Variants in GPR141 observed in about 807,000 individuals in gnomAD.
GPR141 encodes the protein G protein-coupled receptor 141, also known as probable G protein-coupled receptor 141.
A neutral mutation model predicts 6.8 loss-of-function variants in GPR141; 6 were observed. The ratio of observed to expected loss-of-function variants is 0.88; its 90% CI spans 0.48 to 1.74. GPR141 has a LOEUF of 1.74. Among genes scored for constraint, GPR141 ranks in the 40% most tolerant of loss-of-function variants. The pLI is 0.01. For missense variants in GPR141, 372 were observed against 372.9 expected (o/e 1.00, Z 0.02); for synonymous variants, 140 against 142.3 (o/e 0.98, Z 0.11).
chr7:37,732,212 C>T (rs1421183234), intron 2 of GPR141, among the ~76,000 whole-genome samples: 3 of 141,426 alleles, frequency 2.1e-5, no homozygotes, highest in Admixed American at 7.1e-5. Flanking sequence ...GGCGTGATCT[C>T]GGCTCACTGC....
At chr7:37,732,414 A>C (rs1812011630) in intron 2 of GPR141, among the ~76,000 whole-genome samples, 1 of 152,108 alleles carries the variant, frequency 6.6e-6, no homozygotes, top group African/African-American at 2.4e-5. Context: ...ATGGTTTAGC[A>C]GAAGGATAAT....
intron 2 of GPR141, 143 bp from the exon 3 acceptor site, chr7:37,740,236 AG>A (rs1470208645): frequency 1.6e-6 from 1 of 640,146 alleles, no homozygotes; most frequent in African/African-American, 1.8e-5. Flanking sequence ...AAACATTCAT[AG>A]GAAATAATCT....
At chr7:37,707,397 G>A (rs1810573819) in intron 2 of GPR141, among the ~76,000 whole-genome samples, 2 of 152,076 alleles carry the variant, frequency 1.3e-5, no homozygotes, top group African/African-American at 4.8e-5. Context: ...TTCCCTGATT[G>A]TAACATTTTT....
In GPR141 at chr7:37,735,378, C is replaced by T. The variant is rs181860330; in HGVS notation, c.-14-5002C>T. On this transcript the variant is annotated intron_variant, in intron 2 of 2. Transcript: ENST00000334425. ...GGGGATGGGAGACTAATATCCTAAG[C>T]CTTAAAACAGCTGAAAAATATAGCA... is the stretch of plus-strand genomic sequence containing the variant. Among the ~76,000 whole-genome samples, 43 of 152,226 alleles carry T rather than the reference C, an allele frequency of 2.8e-4. No individual in the cohort carries two copies. In the East Asian group the frequency reaches 7.3e-3, roughly 26 times the overall value.
rs146497735 is a variant in GPR141 at position 37,700,454 on chromosome 7, C to T, written c.-15+14871C>T. Among the ~76,000 whole-genome samples the T allele has an allele frequency of 5.0e-3, 755 of 152,208 alleles. 1 individual carries two copies. Among genetic ancestry groups the T allele is most frequent in the South Asian group, 0.034 (164 of 4,824 alleles). The stretch of plus-strand genomic sequence containing the variant: ...TACCGCCACCATGTCAGATTGTCTC[C>T]ACTGTAGCTTGATGGTAGAAAGATG... On this transcript the variant is annotated intron_variant, in intron 2 of 2. Coordinates refer to ENST00000334425, the MANE Select transcript of GPR141 (RefSeq NM_001381946.1).
At chr7:37,696,022 C>T (rs1306600038) in intron 2 of GPR141, among the ~76,000 whole-genome samples, 2 of 152,124 alleles carry the variant, frequency 1.3e-5, no homozygotes, top group Non-Finnish European at 1.5e-5. Context: ...AAATAAGTTA[C>T]CCATATACCT....
intron 2 of GPR141, among the ~76,000 whole-genome samples, chr7:37,716,613 A>G (rs895251343): frequency 1.3e-5 from 2 of 152,196 alleles, no homozygotes; most frequent in African/African-American, 4.8e-5. Flanking sequence ...CAGTTTTTCC[A>G]ATAAGTGTGG....
chr7:37,728,581 A>C (rs1005051540), intron 2 of GPR141, among the ~76,000 whole-genome samples: 2 of 152,174 alleles, frequency 1.3e-5, no homozygotes, highest in Non-Finnish European at 2.9e-5. Context: ...CACAGAAACC[A>C]CTTCCATATC....
chr7:37,703,200 GT>G (rs1307858808), intron 2 of GPR141, among the ~76,000 whole-genome samples: 2 of 152,126 alleles, frequency 1.3e-5, no homozygotes, highest in Admixed American at 1.3e-4. Context: ...GTAGTCGACT[GT>G]CTTCCTGCTT....
At chr7:37,723,241 C>T (rs547882852) in intron 2 of GPR141, among the ~76,000 whole-genome samples, 1 of 152,144 alleles carries the variant, frequency 6.6e-6, no homozygotes, top group South Asian at 2.1e-4. Flanking sequence ...GATCCACCCA[C>T]CTCGGCCTCC....
chr7:37,736,453 A>G (rs180724989), intron 2 of GPR141, among the ~76,000 whole-genome samples: 2,200 of 151,442 alleles, frequency 0.015, 143 homozygotes, highest in Admixed American at 0.1. Flanking sequence ...GACAAAAGAC[A>G]TTAACCTATA....
intron 2 of GPR141, among the ~76,000 whole-genome samples, chr7:37,698,054 T>C (rs757166723): frequency 7.9e-5 from 12 of 152,214 alleles, no homozygotes; most frequent in Admixed American, 1.3e-4. Context: ...GGGTGAAATA[T>C]AGGCTAGTAA....
Position 37,741,035 on chromosome 7 carries a change from T to C in GPR141, c.642T>C (p.Ser214=), listed in dbSNP as rs774389896. 5 of 1,614,154 alleles carry C rather than the reference T, an allele frequency of 3.1e-6. No homozygotes were observed. The highest frequency in any genetic ancestry group is 3.4e-6 in the Non-Finnish European group (4 of 1,179,996). Residue 214 remains serine (S), a synonymous_variant, in exon 3 of 3, where the codon TCT becomes TCC. Coordinates refer to ENST00000334425, the MANE Select transcript of GPR141 (RefSeq NM_001381946.1). The part of the protein sequence containing the change: ...IMLMVQKLRH[S]LLSHQEFWAQ... ...TGATGGTGCAGAAGCTACGCCACTC[T>C]TTACTATCCCACCAGGAGTTCTGGG...
intron 2 of GPR141, among the ~76,000 whole-genome samples, chr7:37,714,040 T>G (rs1191263447): frequency 6.6e-6 from 1 of 152,200 alleles, no homozygotes; most frequent in Non-Finnish European, 1.5e-5. Context: ...TTATCTTTTT[T>G]TTTTTCATCA....
At chr7:37,691,406 A>G (rs1218314895) in intron 2 of GPR141, among the ~76,000 whole-genome samples, 1 of 149,020 alleles carries the variant, frequency 6.7e-6, no homozygotes, top group African/African-American at 2.5e-5. Flanking sequence ...GTCAGTCTAT[A>G]TCTTTTAAGT....
intron 2 of GPR141, among the ~76,000 whole-genome samples, chr7:37,697,846 G>A (rs1164213826): frequency 1.3e-5 from 2 of 152,200 alleles, no homozygotes; most frequent in Admixed American, 1.3e-4. Flanking sequence ...TGATTATGAA[G>A]GCTAGTGGTT....
chr7:37,692,359 G>T (rs1283702806), intron 2 of GPR141, among the ~76,000 whole-genome samples: 2 of 152,146 alleles, frequency 1.3e-5, no homozygotes, highest in Admixed American at 6.5e-5. Context: ...GTATTCCATG[G>T]TGTATATGTG....
At chr7:37,720,678 T>C (rs1422496359) in intron 2 of GPR141, among the ~76,000 whole-genome samples, 3 of 150,986 alleles carry the variant, frequency 2.0e-5, no homozygotes, top group Admixed American at 6.6e-5. Flanking sequence ...AAGGCGGAGC[T>C]TGCAGTGAGC....
Position 37,705,976 on chromosome 7 carries a change from G to A in GPR141, c.-15+20393G>A, listed in dbSNP as rs548289852. 1.0e-3 allele frequency among the ~76,000 whole-genome samples: 158 copies of A among 152,262 alleles called. 1 individual carries two copies. Among genetic ancestry groups the A allele is most frequent in the African/African-American group, 3.8e-3 (156 of 41,562 alleles). On this transcript the variant is annotated intron_variant, in intron 2 of 2. Coordinates refer to ENST00000334425, the MANE Select transcript of GPR141 (RefSeq NM_001381946.1). ...AGAGGAAAGACCAGAAAAAGCTGCT[G>A]CTCCTGTTCCAGAAATCAGGAAATG...
Sources: gnomAD v4.1 joint callset for allele counts (sites outside exome capture counted in the v4.1 genomes callset) on GRCh38, gnomAD v4.1.1 for gene constraint, MANE v1.5 for transcripts, NCBI Gene and HGNC (gene_info 2026-07-23, HGNC 2026-07-21) for gene names.